FGB: variants seen among roughly 807,000 people sequenced by gnomAD.
The protein encoded by FGB is beta-fibrinogen.
In FGB, 25 loss-of-function variants were observed where a neutral mutation model predicts 57.9. The ratio of observed to expected loss-of-function variants is 0.43; its 90% CI spans 0.31 to 0.60. The LOEUF (loss-of-function observed/expected upper bound fraction) is 0.60, where lower values mean the gene tolerates loss of function less well. Among genes scored for constraint, FGB ranks in the 20% least tolerant of loss-of-function variants. The pLI is 0.08. For missense variants in FGB, 536 were observed against 598.4 expected (o/e 0.90, Z 1.09); for synonymous variants, 203 against 199.2 (o/e 1.02, Z -0.16).
rs755763520 is a variant in FGB, at chr4:154,565,791, T to C, written c.115-17T>C. 64 of 1,612,020 alleles carry C rather than the reference T, an allele frequency of 4.0e-5. No homozygotes were observed. In the African/African-American group the frequency reaches 6.8e-4, roughly 17 times the overall value. On this transcript the variant is annotated splice_polypyrimidine_tract_variant and intron_variant, in intron 1 of 7. Coordinates refer to ENST00000302068, the MANE Select transcript of FGB (RefSeq NM_005141.5). ...TCTATAACACTCTGTATTATATTTC[T>C]GCCTCATTCCTTGTAGGGTTTCTTC...
rs756100115 is a variant in FGB at position 154,568,419 on chromosome 4, G to C, written c.757G>C (p.Glu253Gln). The change falls in exon 5 of 8, where the codon GAA (glutamate) becomes CAA (glutamine). Residue 253 changes from glutamate to glutamine, a missense_variant. By Grantham distance (29) the Glu-to-Gln change is conservative (BLOSUM62 2). This residue lies in a region of FGB where 354 missense variants were observed against 383.4 expected (regional missense o/e 0.92). Transcript: ENST00000302068. ...EIIRKGGETSEMYLIQPDSSV... is the reference protein window; with the variant it reads ...EIIRKGGETSQMYLIQPDSSV... ...TATCAGGAAAGGAGGTGAAACATCT[G>C]AAATGTATCTCATTCAACCTGACAG... is the stretch of plus-strand genomic sequence containing the variant. The C allele has an allele frequency of 6.2e-7, 1 of 1,607,846 alleles. No homozygotes were observed. Among genetic ancestry groups the C allele is most frequent in the Non-Finnish European group, 8.5e-7 (1 of 1,174,322 alleles).
intron 7 of FGB, 99 bp from the exon 8 acceptor site, chr4:154,570,320 T>C (rs1218222419): frequency 3.6e-6 from 3 of 841,088 alleles, no homozygotes; most frequent in Non-Finnish European, 6.1e-6. Context: ...GAAAGACTAC[T>C]GTGCACACGA....
intron 1 of FGB, among the ~76,000 whole-genome samples, chr4:154,565,027 T>C (rs1192830427): frequency 6.6e-6 from 1 of 152,206 alleles, no homozygotes; most frequent in Non-Finnish European, 1.5e-5. Context: ...GAGAGGACAC[T>C]TAAACTGTAG....
At position 154,568,504 on chromosome 4, in the gene FGB, C is replaced by A; in HGVS notation, c.832+10C>A. ...AATACAGAAAATGGAGGTAAGCTTT[C>A]GACAGTTGTTGACCTGTTGATCTGT... On this transcript the variant is annotated intron_variant, in intron 5 of 7. Coordinates refer to ENST00000302068, the MANE Select transcript of FGB (RefSeq NM_005141.5). 1.5e-6 allele frequency: 2 copies of A among 1,355,740 alleles called. No individual in the cohort carries two copies. Among genetic ancestry groups the A allele is most frequent in the South Asian group, 1.2e-5 (1 of 85,896 alleles). The allele number at this position is 1,355,740 out of a possible 1,614,324, so 84.0% of individuals were successfully genotyped here. A position where few individuals can be genotyped will look rare whatever the true frequency, so the allele number is the denominator to read the frequency against.
Position 154,572,765 on chromosome 4 carries a change from A to C in FGB, c.*2115A>C, listed in dbSNP as rs1340760939. Reference sequence around the variant, plus strand: ...GAAATATGCATACACCCATGATATCACTGGCACAGTCAAGATATTAAATAT... The same window carrying C: ...GAAATATGCATACACCCATGATATCCCTGGCACAGTCAAGATATTAAATAT... On this transcript the variant is annotated 3_prime_UTR_variant, in exon 8 of 8. Transcript: ENST00000302068. Among the ~76,000 whole-genome samples, 1 of 152,204 alleles carries C rather than the reference A, an allele frequency of 6.6e-6. No homozygotes were observed. The highest frequency in any genetic ancestry group is 1.5e-5 in the Non-Finnish European group (1 of 68,036).
intron 1 of FGB, 42 bp downstream of exon 1, chr4:154,563,174 T>G (rs1380827869): frequency 2.5e-6 from 2 of 804,360 alleles, no homozygotes; most frequent in Admixed American, 4.2e-5. Flanking sequence ...GTAGTATTAT[T>G]AATATAAGAT....
chr4:154,569,269 C>T lies in FGB; in HGVS notation c.920C>T (p.Ala307Val), dbSNP rs777451745. 84 of 1,613,944 alleles carry T rather than the reference C, an allele frequency of 5.2e-5. No homozygotes were observed. Among genetic ancestry groups the T allele is most frequent in the Non-Finnish European group, 6.6e-5 (78 of 1,179,978 alleles). Residue 307 changes from alanine (A) to valine (V), a missense_variant, in exon 6 of 8, where the codon GCA (alanine) becomes GTA (valine). Transcript: ENST00000302068. ...DPYKQGFGNV[A>V]TNTDGKNYCG... ...TATAAACAGGGATTTGGAAATGTTG[C>T]AACCAACACAGATGGGAAGAATTAC...
At chr4:154,564,238 C>T (rs1730063480) in intron 1 of FGB, among the ~76,000 whole-genome samples, 1 of 152,026 alleles carries the variant, frequency 6.6e-6, no homozygotes, top group Admixed American at 6.6e-5. Flanking sequence ...AAGTGGCCTT[C>T]ATAATTTCTT....
Position 154,571,778 on chromosome 4 carries a change from G to A in FGB, c.*1128G>A, listed in dbSNP as rs1044133811. On this transcript the variant is annotated 3_prime_UTR_variant, in exon 8 of 8. Coordinates refer to ENST00000302068, the MANE Select transcript of FGB (RefSeq NM_005141.5). ...TCATCTCAACACTTCACTCCAAGTC[G>A]CCACGGGCAACCTTATGACCCTAGG... Among the ~76,000 whole-genome samples, 4 of 151,940 alleles carry A rather than the reference G, an allele frequency of 2.6e-5. No homozygotes were observed. Among genetic ancestry groups the A allele is most frequent in the East Asian group, 1.9e-4 (1 of 5,174 alleles).
intron 2 of FGB, 115 bp from the exon 3 acceptor site, chr4:154,566,374 A>T (rs1252274353): frequency 2.0e-6 from 2 of 992,638 alleles, no homozygotes; most frequent in Non-Finnish European, 3.1e-6. Flanking sequence ...CAGAAAACCA[A>T]ATAATAAATT....
Position 154,570,514 on chromosome 4 carries a change from A to G in FGB, c.1340A>G (p.Tyr447Cys). 1 of 1,614,154 alleles carries G rather than the reference A, an allele frequency of 6.2e-7. No individual in the cohort carries two copies. Among genetic ancestry groups the G allele is most frequent in the Non-Finnish European group, 8.5e-7 (1 of 1,180,010 alleles). The change falls in exon 8 of 8, where the codon TAC becomes TGC. Residue 447 changes from tyrosine to cysteine, a missense_variant. By Grantham distance (194) the Tyr-to-Cys change is radical (BLOSUM62 -2). Transcript: ENST00000302068. ...CHAANPNGRYYWGGQYTWDMA... is the reference protein window; with the variant it reads ...CHAANPNGRYCWGGQYTWDMA... The stretch of plus-strand genomic sequence containing the variant: ...GCAGCCAATCCAAACGGCAGATACT[A>G]CTGGGGTGGACAGTACACCTGGGAC...
intron 1 of FGB, among the ~76,000 whole-genome samples, chr4:154,563,511 A>G (rs1203393381): frequency 6.6e-6 from 1 of 151,948 alleles, no homozygotes; most frequent in Non-Finnish European, 1.5e-5. Flanking sequence ...GAATTTTAAG[A>G]TAAAAGAAAC....
chr4:154,565,657 C>T (rs1415486510), intron 1 of FGB, 151 bp from the exon 2 acceptor site: 3 of 742,340 alleles, frequency 4.0e-6, no homozygotes, highest in Non-Finnish European at 6.8e-6. Flanking sequence ...AAGCAACCTA[C>T]AGATTCACTA....
At chr4:154,569,086 A>T in intron 5 of FGB, 96 bp from the exon 6 acceptor site, 1 of 1,330,506 alleles carries the variant, frequency 7.5e-7, no homozygotes, top group Non-Finnish European at 1.1e-6. Context: ...CCAAATATAT[A>T]CTAAATGGAA....
At position 154,566,009 on chromosome 4, in the gene FGB, C is replaced by G. The variant is rs377566007; in HGVS notation, c.306+10C>G. Reference sequence around the variant, plus strand: ...CGCTGACCCAGACCTGGTGGGTGCACTGATGTTTCTTGCAGTGGTGGCTCT... The same window carrying G: ...CGCTGACCCAGACCTGGTGGGTGCAGTGATGTTTCTTGCAGTGGTGGCTCT... On this transcript the variant is annotated intron_variant, in intron 2 of 7. Transcript: ENST00000302068. The G allele has an allele frequency of 8.7e-6, 14 of 1,611,442 alleles. No homozygotes were observed. The highest frequency in any genetic ancestry group is 1.3e-5 in the African/African-American group (1 of 74,812).
rs1253553035 is a variant in FGB, at chr4:154,569,640, A to G, written c.1085A>G (p.Gln362Arg). The G allele has an allele frequency of 1.9e-6, 3 of 1,614,214 alleles. No homozygotes were observed. The highest frequency in any genetic ancestry group is 1.6e-4 in the Middle Eastern group (1 of 6,062). ...VKAHYGGFTV[Q>R]NEANKYQISV... ...GCTCACTATGGAGGATTCACTGTACAGAATGAAGCCAACAAATACCAGATC... is the reference window on the plus strand; with the variant it reads ...GCTCACTATGGAGGATTCACTGTACGGAATGAAGCCAACAAATACCAGATC... Residue 362 changes from glutamine (Q) to arginine (R), a missense_variant, in exon 7 of 8, where the codon CAG becomes CGG. Coordinates refer to ENST00000302068, the MANE Select transcript of FGB (RefSeq NM_005141.5).
In FGB at chr4:154,570,957, G is replaced by A; in HGVS notation, c.*307G>A. On this transcript the variant is annotated 3_prime_UTR_variant, in exon 8 of 8. Transcript: ENST00000302068. Reference sequence around the variant, plus strand: ...AGAGGGGTCTTTTATCCTTGTCGTAGGAAAACCATGACGGAAAGGAAAAAC... The same window carrying A: ...AGAGGGGTCTTTTATCCTTGTCGTAAGAAAACCATGACGGAAAGGAAAAAC... 7.8e-6 allele frequency: 3 copies of A among 383,096 alleles called. No homozygotes were observed. Among genetic ancestry groups the A allele is most frequent in the Non-Finnish European group, 9.7e-6 (2 of 206,130 alleles). The allele number at this position is 383,096 out of a possible 1,614,324, so 23.7% of individuals were successfully genotyped here.
rs986529299 is a variant in FGB at position 154,571,678 on chromosome 4, T to C, written c.*1028T>C. On this transcript the variant is annotated 3_prime_UTR_variant, in exon 8 of 8. Transcript: ENST00000302068. ...TCTTGTCCTCAATTAGGCTTTTTTT[T>C]CTTCATAGTTACACCAGAACTAAAG... Among the ~76,000 whole-genome samples the C allele has an allele frequency of 4.6e-5, 7 of 152,142 alleles. No individual in the cohort carries two copies. Among genetic ancestry groups the C allele is most frequent in the Admixed American group, 1.3e-4 (2 of 15,270 alleles).
At chr4:154,563,462 A>G (rs1232872014) in intron 1 of FGB, among the ~76,000 whole-genome samples, 1 of 151,894 alleles carries the variant, frequency 6.6e-6, no homozygotes, top group Non-Finnish European at 1.5e-5. Flanking sequence ...AGAGGACAAG[A>G]TCTGAAAATC....
Sources: allele counts gnomAD v4.1 joint callset (sites outside exome capture counted in the v4.1 genomes callset), GRCh38; gene constraint gnomAD v4.1.1; regional missense constraint gnomAD v4.1.1; transcripts MANE v1.5; gene names NCBI Gene and HGNC (gene_info 2026-07-23, HGNC 2026-07-21).